CEP72: variants seen among roughly 807,000 people sequenced by gnomAD.
CEP72 encodes the protein centrosomal protein 72.
A neutral mutation model predicts 65.7 loss-of-function variants in CEP72; 78 were observed. The ratio of observed to expected loss-of-function variants is 1.19; its 90% CI spans 0.99 to 1.43. CEP72 has a LOEUF of 1.43. Ranked by LOEUF, CEP72 falls within the 40% of genes most tolerant of loss-of-function variation. The probability of loss-of-function intolerance (pLI) is 0.00; values close to 1 mark genes in which losing one functional copy is unlikely to be tolerated. For missense variants in CEP72, 914 were observed against 832.9 expected, an observed-to-expected ratio of 1.10 and a Z score of -1.20; for synonymous variants, 358 against 351.7, an observed-to-expected ratio of 1.02 and a Z score of -0.20.
chr5:637,309 C>T (rs1737675493), intron 6 of CEP72, among the ~76,000 whole-genome samples: 1 of 152,220 alleles, frequency 6.6e-6, no homozygotes, highest in Non-Finnish European at 1.5e-5. Context: ...CCTTTCTTCC[C>T]TCGGCACCCT....
chr5:670,684 T>C (rs1740189823), downstream of CEP72, among the ~76,000 whole-genome samples: 1 of 152,102 alleles, frequency 6.6e-6, no homozygotes, highest in African/African-American at 2.4e-5. Flanking sequence ...GGTCCAGTGG[T>C]CCCGTTCCAG....
the CEP72 span, among the ~76,000 whole-genome samples, chr5:673,126 T>G: frequency 6.6e-6 from 1 of 152,006 alleles, no homozygotes; most frequent in Non-Finnish European, 1.5e-5. Flanking sequence ...CAAGTGACAG[T>G]GGGCACCCCC....
downstream of CEP72, among the ~76,000 whole-genome samples, chr5:655,865 TTTC>T (rs1739364862): frequency 6.6e-6 from 1 of 152,342 alleles, no homozygotes; most frequent in East Asian, 1.9e-4. The surrounding 1 kb of genome is among the most constrained non-coding windows in gnomAD (Gnocchi z 5.0). Context: ...GCAAATAGCT[TTTC>T]TTGTCTTTTT....
chr5:651,750 G>A (rs1394506226), intron 11 of CEP72, among the ~76,000 whole-genome samples: 2 of 152,028 alleles, frequency 1.3e-5, no homozygotes, highest in African/African-American at 2.4e-5. Flanking sequence ...TTTTGTGGGT[G>A]CTGCTGTGTG....
rs763333611 is a variant in CEP72 at position 624,521 on chromosome 5, G to C, written c.454G>C (p.Ala152Pro). The C allele has an allele frequency of 6.2e-7, 1 of 1,614,196 alleles. No individual in the cohort carries two copies. The highest frequency in any genetic ancestry group is 8.5e-7 in the Non-Finnish European group (1 of 1,180,002). Reference sequence around the variant, plus strand: ...GCGGAAGGCTTCCCGACTGCATTTTGCATCAGAGGACTCACTCGACTCCAA... The same window carrying C: ...GCGGAAGGCTTCCCGACTGCATTTTCCATCAGAGGACTCACTCGACTCCAA... ...SERKASRLHF[A>P]SEDSLDSKES... Residue 152 changes from alanine (A) to proline (P), a missense_variant, in exon 4 of 12, where the codon GCA becomes CCA. Physicochemically the swap from Ala to Pro is conservative, Grantham distance 27. Coordinates refer to ENST00000264935, the MANE Select transcript of CEP72 (RefSeq NM_018140.4). The surrounding 1 kb of genome is among the most constrained non-coding windows in gnomAD (Gnocchi z 4.7).
intron 11 of CEP72, among the ~76,000 whole-genome samples, chr5:651,491 C>A (rs888386360): frequency 6.6e-6 from 1 of 151,946 alleles, no homozygotes; most frequent in Non-Finnish European, 1.5e-5. Context: ...ACCTGGTTCC[C>A]CTGGGCGGTA....
At chr5:643,866 C>T (rs1212289920) in intron 9 of CEP72, among the ~76,000 whole-genome samples, 1 of 152,244 alleles carries the variant, frequency 6.6e-6, no homozygotes, top group Non-Finnish European at 1.5e-5. Flanking sequence ...GGAGCCAGAA[C>T]AGAAGGGGGT....
intron 4 of CEP72, among the ~76,000 whole-genome samples, chr5:627,828 C>G (rs1302176572): frequency 1.3e-5 from 2 of 152,160 alleles, no homozygotes; most frequent in African/African-American, 4.8e-5. Context: ...TATATTAAAA[C>G]TTTACAGTAG....
chr5:637,353 T>C (rs948020005), intron 6 of CEP72, among the ~76,000 whole-genome samples, 164 bp from the exon 7 acceptor site: 23 of 152,144 alleles, frequency 1.5e-4, no homozygotes, highest in Admixed American at 5.2e-4. Context: ...GGTGTATGGA[T>C]GTATGTATGC....
chr5:666,068 G>A, exon 4 of CEP72: 1 of 1,612,378 alleles, frequency 6.2e-7, no homozygotes, highest in Non-Finnish European at 8.5e-7. Flanking sequence ...TTCTTGGCGA[G>A]CTCCTCCAGC....
intron 7 of CEP72, among the ~76,000 whole-genome samples, chr5:638,212 T>C (rs949020634): frequency 6.6e-6 from 1 of 152,150 alleles, no homozygotes; most frequent in Admixed American, 6.5e-5. Flanking sequence ...ACAGGGCATT[T>C]GTCTCCAAAG....
At chr5:635,197 C>T (rs1737504127) in intron 5 of CEP72, among the ~76,000 whole-genome samples, 175 bp from the exon 6 acceptor site, 1 of 152,238 alleles carries the variant, frequency 6.6e-6, no homozygotes, top group South Asian at 2.1e-4. Flanking sequence ...TTCCCAGTTC[C>T]AAGCTCTCTT....
chr5:616,081 A>G (rs1185732082), intron 1 of CEP72, among the ~76,000 whole-genome samples: 8 of 152,144 alleles, frequency 5.3e-5, no homozygotes. Context: ...AAACATATTT[A>G]TCTGCATGTT....
At chr5:627,453 A>G (rs900083659) in intron 4 of CEP72, among the ~76,000 whole-genome samples, 11 of 152,142 alleles carry the variant, frequency 7.2e-5, no homozygotes, top group African/African-American at 2.7e-4. Flanking sequence ...TTCCACAGCT[A>G]CCCTTGAGCT....
At chr5:657,210 G>A (rs1689669), downstream of CEP72, 30,049 of 152,104 alleles carry the variant, frequency 0.2, 3,378 homozygotes, top group East Asian at 0.43. Flanking sequence ...TGATTTCCTC[G>A]TCTGTACAAT....
At chr5:650,341 G>T (rs1195202971) in intron 11 of CEP72, among the ~76,000 whole-genome samples, 12 of 124,382 alleles carry the variant, frequency 9.6e-5, no homozygotes, top group African/African-American at 4.1e-4. Context: ...AGGTGTGACT[G>T]TGAGGCGTGG....
intron 4 of CEP72, chr5:666,223 G>GCCCACAGGCTTCA (rs1739907108): frequency 7.2e-7 from 1 of 1,397,188 alleles, no homozygotes; most frequent in Non-Finnish European, 9.7e-7. Context: ...TGGCCCAGCA[G>GCCCACAGGCTTCA]CCCACAGGCT....
chr5:640,125 C>T (rs547706531), intron 8 of CEP72, among the ~76,000 whole-genome samples: 1 of 152,190 alleles, frequency 6.6e-6, no homozygotes, highest in African/African-American at 2.4e-5. Flanking sequence ...TTGTGGAAGG[C>T]GCAGCGAGTT....
At chr5:675,316 G>A in the CEP72 span, among the ~76,000 whole-genome samples, 5 of 109,080 alleles carry the variant, frequency 4.6e-5, no homozygotes, top group Non-Finnish European at 9.2e-5. Flanking sequence ...GGGAGGTACA[G>A]TGTGGCCGGG....
Sources: allele counts gnomAD v4.1 joint callset (sites outside exome capture counted in the v4.1 genomes callset), GRCh38; gene constraint gnomAD v4.1.1; non-coding constraint Gnocchi (gnomAD v3.1); transcripts MANE v1.5; gene names NCBI Gene and HGNC (gene_info 2026-07-23, HGNC 2026-07-21).